Variants in ZNF775 observed in about 807,000 individuals in gnomAD.
The protein encoded by ZNF775 is zinc finger protein 775.
A neutral mutation model predicts 2.4 loss-of-function variants in ZNF775; 1 was observed. The ratio of observed to expected loss-of-function variants is 0.41; its 90% CI spans 0.15 to 1.94. The LOEUF is 1.94. Among genes scored for constraint, ZNF775 ranks in the 30% most tolerant of loss-of-function variants. The probability of loss-of-function intolerance (pLI) is 0.30; values close to 1 mark genes in which losing one functional copy is unlikely to be tolerated. For synonymous variants in ZNF775, 381 were observed against 373.3 expected, an observed-to-expected ratio of 1.02 and a Z score of -0.24; for missense variants, 823 against 826.6, an observed-to-expected ratio of 1.00 and a Z score of 0.05.
chr7:150,391,716 T>TC (rs1800562873), intron 2 of ZNF775, among the ~76,000 whole-genome samples: 1 of 145,108 alleles, frequency 6.9e-6, no homozygotes, highest in African/African-American at 2.5e-5. Context: ...CTTTTTTTTT[T>TC]TTTTTTTTTT....
chr7:150,390,516 T>TAG (rs1442345383), intron 2 of ZNF775, among the ~76,000 whole-genome samples: 1 of 152,212 alleles, frequency 6.6e-6, no homozygotes, highest in African/African-American at 2.4e-5. Context: ...TGTGTATACA[T>TAG]AGAGACATAT....
At position 150,398,069 on chromosome 7, in the gene ZNF775, T is replaced by A; in HGVS notation, c.1588T>A (p.Cys530Ser). The A allele has an allele frequency of 6.4e-7, 1 of 1,560,434 alleles. No individual in the cohort carries two copies. The highest frequency in any genetic ancestry group is 1.9e-5 in the Admixed American group (1 of 53,980). ...HQRVHRAAPA[C>S]SPKEEAR The stretch of plus-strand genomic sequence containing the variant: ...GCGCGTGCACCGCGCGGCCCCTGCG[T>A]GCAGCCCCAAGGAGGAGGCGCGCTA... Residue 530 changes from cysteine (C) to serine (S), a missense_variant, in exon 3 of 3, where the codon TGC becomes AGC. Physicochemically the swap from Cys to Ser is moderately radical, Grantham distance 112. Coordinates refer to ENST00000329630, the MANE Select transcript of ZNF775 (RefSeq NM_173680.4).
intron 2 of ZNF775, among the ~76,000 whole-genome samples, chr7:150,393,279 G>C (rs2129621159): frequency 6.6e-6 from 1 of 152,272 alleles, no homozygotes; most frequent in Non-Finnish European, 1.5e-5. Flanking sequence ...AAGTTTGCAT[G>C]TAGGGTACCT....
intron 1 of ZNF775, among the ~76,000 whole-genome samples, chr7:150,387,295 CA>C (rs550286754): frequency 0.032 from 3,317 of 102,890 alleles, 60 homozygotes; most frequent in Admixed American, 0.071. Context: ...GACTCTGTCT[CA>C]AAAAAAAAAA....
chr7:150,386,248 T>G (rs573310496), intron 1 of ZNF775, among the ~76,000 whole-genome samples: 5 of 152,274 alleles, frequency 3.3e-5, no homozygotes, highest in African/African-American at 1.2e-4. Flanking sequence ...ATTTAACTTT[T>G]AAAAAGATTT....
chr7:150,390,486 C>T (rs1800543396), intron 2 of ZNF775, among the ~76,000 whole-genome samples: 1 of 152,304 alleles, frequency 6.6e-6, no homozygotes, highest in Admixed American at 6.5e-5. Context: ...ATTGGTGTGA[C>T]TCATCCTGGA....
In ZNF775 at chr7:150,396,555, GGCT is replaced by G; in HGVS notation, c.80_82del (p.Leu27del). ...AAGGTCAAGCAGGAGAAGCCGGAGC[GGCT>G]GCTGCAGACGCTGGCGCCGCAGGCC... is the stretch of plus-strand genomic sequence containing the variant. On this transcript the variant is annotated inframe_deletion, in exon 3 of 3. Coordinates refer to ENST00000329630, the MANE Select transcript of ZNF775 (RefSeq NM_173680.4). The G allele has an allele frequency of 1.9e-6, 3 of 1,604,518 alleles. No individual in the cohort carries two copies. Among genetic ancestry groups the G allele is most frequent in the Non-Finnish European group, 2.5e-6 (3 of 1,177,390 alleles).
Position 150,389,901 on chromosome 7 carries a change from G to T in ZNF775, c.31+1400G>T, listed in dbSNP as rs1188163621. On this transcript the variant is annotated intron_variant, in intron 2 of 2. Coordinates refer to ENST00000329630, the MANE Select transcript of ZNF775 (RefSeq NM_173680.4). ...TGTGTGTGTGTGTGTGTGTGTGTGT[G>T]TGTGTGTGTGTGTGTGTGTTATGGC... 2.3e-4 allele frequency among the ~76,000 whole-genome samples: 5 copies of T among 21,446 alleles called. No individual in the cohort carries two copies. In the South Asian group the frequency reaches 3.2e-3, roughly 14 times the overall value. 14.1% of individuals were successfully genotyped at this position (21,446 alleles called of 152,430 possible). A position where few individuals can be genotyped will look rare whatever the true frequency, so the allele number is the denominator to read the frequency against.
rs763861597 is a variant in ZNF775 at position 150,397,096 on chromosome 7, C to T, written c.615C>T (p.Gly205=). ...ECERCFRHQV[G]LRIHQRAHAR... ...AGCGCTGCTTCCGTCACCAGGTGGG[C>T]CTCCGCATCCACCAGCGCGCGCACG... is the stretch of plus-strand genomic sequence containing the variant. The change falls in exon 3 of 3, where the codon GGC becomes GGT. Residue 205 remains glycine, a synonymous_variant. Transcript: ENST00000329630. The T allele has an allele frequency of 1.3e-6, 2 of 1,566,242 alleles. No homozygotes were observed. The highest frequency in any genetic ancestry group is 1.7e-6 in the Non-Finnish European group (2 of 1,163,610).
Position 150,397,805 on chromosome 7 carries a change from G to A in ZNF775, c.1324G>A (p.Glu442Lys), listed in dbSNP as rs971600256. The A allele has an allele frequency of 1.3e-6, 2 of 1,575,240 alleles. No homozygotes were observed. Among genetic ancestry groups the A allele is most frequent in the Non-Finnish European group, 1.7e-6 (2 of 1,165,560 alleles). The change falls in exon 3 of 3, where the codon GAG becomes AAG. Residue 442 changes from glutamate to lysine, a missense_variant. Glu to Lys is a moderately conservative substitution (Grantham distance 56). Coordinates refer to ENST00000329630, the MANE Select transcript of ZNF775 (RefSeq NM_173680.4). Reference protein sequence around the residue: ...RGQAGLAGPGEPRQFICNECG... With the variant: ...RGQAGLAGPGKPRQFICNECG... ...ACAAGCGGGCCTCGCTGGGCCTGGC[G>A]AGCCGCGCCAGTTCATCTGCAACGA... is the stretch of plus-strand genomic sequence containing the variant.
rs1563260234 is a variant in ZNF775, at chr7:150,396,494, T to C, written c.32-19T>C. 2 of 1,565,766 alleles carry C rather than the reference T, an allele frequency of 1.3e-6. No individual in the cohort carries two copies. The highest frequency in any genetic ancestry group is 2.0e-5 in the Admixed American group (1 of 49,200). On this transcript the variant is annotated intron_variant, in intron 2 of 2. Coordinates refer to ENST00000329630, the MANE Select transcript of ZNF775 (RefSeq NM_173680.4). ...AGCAGTGACCTCTCTCCCTCCTCTCTCCCGCTTGCCTCTGGCAGGAGCTGG... is the reference window on the plus strand; with the variant it reads ...AGCAGTGACCTCTCTCCCTCCTCTCCCCCGCTTGCCTCTGGCAGGAGCTGG...
chr7:150,386,027 C>T (rs1206616094), intron 1 of ZNF775, among the ~76,000 whole-genome samples: 1 of 152,130 alleles, frequency 6.6e-6, no homozygotes, highest in African/African-American at 2.4e-5. Context: ...CCTCTGCCTC[C>T]TGAGTTCAAA....
In ZNF775 at chr7:150,397,657, G is replaced by C. The variant is rs1271697241; in HGVS notation, c.1176G>C (p.Glu392Asp). Residue 392 changes from glutamate (E) to aspartate (D), a missense_variant, in exon 3 of 3, where the codon GAG becomes GAC. Coordinates refer to ENST00000329630, the MANE Select transcript of ZNF775 (RefSeq NM_173680.4). ...ACCAGCGCGCCCACGCTGTCGCTGA[G>C]CCCGCCGTTCCGGCCGGGGAACCGG... The part of the protein sequence containing the change: ...RAHQRAHAVA[E>D]PAVPAGEPGD... 7.6e-7 allele frequency: 1 copy of C among 1,320,560 alleles called. No individual in the cohort carries two copies. The highest frequency in any genetic ancestry group is 1.6e-5 in the African/African-American group (1 of 63,078). The allele number at this position is 1,320,560 out of a possible 1,614,324, so 81.8% of individuals were successfully genotyped here. A position where few individuals can be genotyped will look rare whatever the true frequency, so the allele number is the denominator to read the frequency against.
chr7:150,392,710 T>C (rs932379666), intron 2 of ZNF775, among the ~76,000 whole-genome samples: 2 of 152,110 alleles, frequency 1.3e-5, no homozygotes, highest in African/African-American at 2.4e-5. Flanking sequence ...ATTTAATAAA[T>C]TTTTTATACA....
intron 1 of ZNF775, among the ~76,000 whole-genome samples, chr7:150,386,268 TGAG>T (rs576155869): frequency 2.8e-4 from 43 of 152,252 alleles, no homozygotes; most frequent in Non-Finnish European, 5.1e-4. Flanking sequence ...TATTTCTACT[TGAG>T]GAGCATTTAC....
At chr7:150,395,373 A>G (rs1800630103) in intron 2 of ZNF775, among the ~76,000 whole-genome samples, 1 of 151,968 alleles carries the variant, frequency 6.6e-6, no homozygotes, top group African/African-American at 2.4e-5. Context: ...CTGTTTAAAG[A>G]TTTTTCTCTT....
chr7:150,392,179 G>T (rs988365343), intron 2 of ZNF775, among the ~76,000 whole-genome samples: 11 of 151,700 alleles, frequency 7.3e-5, no homozygotes, highest in African/African-American at 2.4e-4. Context: ...CTTTTTTTAA[G>T]CTGGCACTTA....
At chr7:150,392,983 A>G (rs1800586241) in intron 2 of ZNF775, among the ~76,000 whole-genome samples, 1 of 152,180 alleles carries the variant, frequency 6.6e-6, no homozygotes, top group Admixed American at 6.5e-5. Flanking sequence ...ATATAGATAC[A>G]TTTTTATTAC....
chr7:150,396,685 G>A lies in ZNF775; in HGVS notation c.204G>A (p.Glu68=), dbSNP rs1425427834. ...CTCGAGCCCTGGGGGGACAGGAGGA[G>A]TCTGGGAGTCCAAGGTGGGCCCCTC... ...GRPRALGGQE[E]SGSPRWAPPT... is the part of the protein sequence containing the mutation. The change falls in exon 3 of 3, where the codon GAG becomes GAA. Residue 68 remains glutamate, a synonymous_variant. Transcript: ENST00000329630. The A allele has an allele frequency of 2.5e-6, 4 of 1,607,666 alleles. No individual in the cohort carries two copies. The highest frequency in any genetic ancestry group is 1.1e-5 in the South Asian group (1 of 90,012).
Sources: gnomAD v4.1 joint callset for allele counts (sites outside exome capture counted in the v4.1 genomes callset) on GRCh38, gnomAD v4.1.1 for gene constraint, MANE v1.5 for transcripts, NCBI Gene and HGNC (gene_info 2026-07-23, HGNC 2026-07-21) for gene names.